The following MPP7 variants were observed in gnomAD, a reference collection of about 807,000 sequenced individuals.
MPP7 encodes MAGUK p55 subfamily member 7.
In MPP7, 60 loss-of-function variants were observed where a neutral mutation model predicts 76.5. That is an observed-to-expected ratio of 0.78 (90% CI 0.64 to 0.97). The LOEUF (loss-of-function observed/expected upper bound fraction) is 0.97. Ranked by LOEUF, MPP7 falls within the 50% of genes least tolerant of loss-of-function variation. The pLI is 0.00. For synonymous variants in MPP7, 237 were observed against 244.5 expected (o/e 0.97, Z 0.29); for missense variants, 641 against 694.0 (o/e 0.92, Z 0.86).
intron 2 of MPP7, among the ~76,000 whole-genome samples, chr10:28,313,502 T>C (rs1171841899): frequency 2.9e-5 from 4 of 137,608 alleles, no homozygotes; most frequent in Non-Finnish European, 6.5e-5. Context: ...CAAGACTCTG[T>C]CTCAGAAAGA....
At chr10:28,323,121 C>T (rs1024410836) in intron 2 of MPP7, among the ~76,000 whole-genome samples, 3 of 151,970 alleles carry the variant, frequency 2.0e-5, no homozygotes, top group Non-Finnish European at 4.4e-5. Context: ...CCCGTCTCTA[C>T]TAAAAATACA....
At chr10:28,195,512 A>G (rs924990057) in intron 3 of MPP7, among the ~76,000 whole-genome samples, 6 of 152,252 alleles carry the variant, frequency 3.9e-5, no homozygotes, top group Non-Finnish European at 5.9e-5. Flanking sequence ...GGATGAAAGG[A>G]TGAACGAAGT....
At chr10:28,190,467 T>A (rs1443532008) in intron 3 of MPP7, among the ~76,000 whole-genome samples, 5 of 152,100 alleles carry the variant, frequency 3.3e-5, no homozygotes, top group African/African-American at 1.2e-4. Flanking sequence ...ACAAAAACCA[T>A]ACAGCATGTG....
upstream of MPP7, chr10:28,303,483 C>T (rs986207913): frequency 1.3e-5 from 2 of 152,188 alleles, no homozygotes; most frequent in African/African-American, 4.8e-5. Context: ...ATAACGTAAT[C>T]TTTAACTTCC....
Position 28,150,005 on chromosome 10 carries a change from C to A in MPP7, c.211G>T (p.Gly71Cys). Reference protein sequence around the residue: ...EKQSPVPILHGAAALADDLAE... With the variant: ...EKQSPVPILHCAAALADDLAE... Reference sequence around the variant, plus strand: ...ACATCATCGGCCAAGGCCGCCGCACCATGGAGAATGGGCACCGGACTCTGC... The same window carrying A: ...ACATCATCGGCCAAGGCCGCCGCACAATGGAGAATGGGCACCGGACTCTGC... Residue 71 changes from glycine (G) to cysteine (C), a missense_variant, in exon 4 of 17, where the codon GGT becomes TGT. Transcript: ENST00000683449. 3 of 1,613,648 alleles carry A rather than the reference C, an allele frequency of 1.9e-6. No individual in the cohort carries two copies. The highest frequency in any genetic ancestry group is 2.5e-6 in the Non-Finnish European group (3 of 1,179,898).
chr10:28,204,396 C>G (rs956325746), intron 2 of MPP7, among the ~76,000 whole-genome samples: 6 of 148,602 alleles, frequency 4.0e-5, no homozygotes, highest in African/African-American at 1.5e-4. Flanking sequence ...TTAGCCAAGA[C>G]CACACCATTG....
In MPP7 at chr10:28,124,106, A is replaced by T. The variant is rs1834931366; in HGVS notation, c.540T>A (p.His180Gln). 1.2e-6 allele frequency: 2 copies of T among 1,608,358 alleles called. No homozygotes were observed. Among genetic ancestry groups the T allele is most frequent in the Non-Finnish European group, 1.7e-6 (2 of 1,175,048 alleles). Residue 180 changes from histidine to glutamine, a missense_variant, in exon 8 of 17, where the codon CAT (histidine) becomes CAA (glutamine). Coordinates refer to ENST00000683449, the MANE Select transcript of MPP7 (RefSeq NM_001318170.2). ...TGACTTCCCTAAGTTCATCACCAAC[A>T]TGAATAAGACCTGAGAAATAGGAGA... is the stretch of plus-strand genomic sequence containing the variant. ...GGAADRSGLI[H>Q]VGDELREVNG...
At chr10:28,301,746 G>A (rs1318058169) in intron 1 of MPP7, among the ~76,000 whole-genome samples, 1 of 152,162 alleles carries the variant, frequency 6.6e-6, no homozygotes, top group Non-Finnish European at 1.5e-5. Context: ...AATTGATAGA[G>A]TGCTATGAGC....
chr10:28,114,634 G>A (rs1384616052), intron 11 of MPP7, among the ~76,000 whole-genome samples: 1 of 152,096 alleles, frequency 6.6e-6, no homozygotes, highest in Non-Finnish European at 1.5e-5. Flanking sequence ...ACATGGGCAA[G>A]GTTAAATCCC....
chr10:28,193,341 T>C (rs1837473431), intron 3 of MPP7, among the ~76,000 whole-genome samples: 1 of 151,798 alleles, frequency 6.6e-6, no homozygotes, highest in African/African-American at 2.4e-5. Flanking sequence ...GCCTCCCGAG[T>C]AGCTGGGACT....
chr10:28,165,359 T>C (rs918735566), intron 3 of MPP7, among the ~76,000 whole-genome samples: 1 of 151,992 alleles, frequency 6.6e-6, no homozygotes, highest in Non-Finnish European at 1.5e-5. Flanking sequence ...CCTATCCCTA[T>C]AAAGAAATTT....
chr10:28,097,364 T>C (rs527959179), intron 11 of MPP7, among the ~76,000 whole-genome samples: 1 of 152,222 alleles, frequency 6.6e-6, no homozygotes, highest in African/African-American at 2.4e-5. Flanking sequence ...GTATAAGTGG[T>C]GGTAGTGGTT....
At chr10:28,243,894 AAT>A (rs1220171495) in intron 1 of MPP7, among the ~76,000 whole-genome samples, 1 of 152,218 alleles carries the variant, frequency 6.6e-6, no homozygotes, top group Non-Finnish European at 1.5e-5. Context: ...AAGCAAATTT[AAT>A]AGTTATTTTT....
chr10:28,263,883 C>T (rs574915972), intron 1 of MPP7, among the ~76,000 whole-genome samples: 1 of 152,284 alleles, frequency 6.6e-6, no homozygotes, highest in Non-Finnish European at 1.5e-5. Context: ...GGAAGTCTGG[C>T]AGCTTGGGAG....
At chr10:28,122,942 T>C (rs541947592) in intron 8 of MPP7, among the ~76,000 whole-genome samples, 13 of 151,996 alleles carry the variant, frequency 8.6e-5, no homozygotes, top group Admixed American at 7.9e-4. Context: ...AGAAATTGTA[T>C]ATTACCTTTT....
chr10:28,269,169 T>C (rs192693417), intron 1 of MPP7, among the ~76,000 whole-genome samples: 8 of 152,322 alleles, frequency 5.3e-5, no homozygotes, highest in Admixed American at 3.3e-4. Flanking sequence ...ATCTGATTGA[T>C]GCAGGACCTT....
At position 28,056,620 on chromosome 10, in the gene MPP7, C is replaced by T. The variant is rs1234096491; in HGVS notation, c.1411G>A (p.Val471Met). The change falls in exon 16 of 17, where the codon GTG becomes ATG. Residue 471 changes from valine (V) to methionine (M), a missense_variant. Coordinates refer to ENST00000683449, the MANE Select transcript of MPP7 (RefSeq NM_001318170.2). ...AATTCTAGTGTCCTTAAATGCTTCA[C>T]TGTCTACAAGGAAGAAAAGAAAGTT... ...VCLLDVQPHTVKHLRTLEFKP... is the reference protein window; with the variant it reads ...VCLLDVQPHTMKHLRTLEFKP... 6.3e-7 allele frequency: 1 copy of T among 1,583,664 alleles called. No homozygotes were observed. The highest frequency in any genetic ancestry group is 8.5e-7 in the Non-Finnish European group (1 of 1,172,214).
At chr10:28,250,878 A>G (rs2132849377) in intron 1 of MPP7, among the ~76,000 whole-genome samples, 1 of 152,356 alleles carries the variant, frequency 6.6e-6, no homozygotes, top group East Asian at 1.9e-4. Flanking sequence ...AATAGTAAGT[A>G]TAGGTGTCAA....
chr10:28,207,290 G>GA lies in MPP7; in HGVS notation c.38-5020dup, dbSNP rs200881500. Among the ~76,000 whole-genome samples, 561 of 150,282 alleles carry GA rather than the reference G, an allele frequency of 3.7e-3. 4 individuals carry two copies. Among genetic ancestry groups the GA allele is most frequent in the African/African-American group, 0.012 (508 of 40,932 alleles). On this transcript the variant is annotated intron_variant, in intron 2 of 16. Coordinates refer to ENST00000683449, the MANE Select transcript of MPP7 (RefSeq NM_001318170.2). ...TTTTTAATTTGCATATTTTATAACT[G>GA]AAAAAAAAAGAAAGCACCACAGCAA... is the stretch of plus-strand genomic sequence containing the variant.
Sources: allele counts gnomAD v4.1 joint callset (sites outside exome capture counted in the v4.1 genomes callset), GRCh38; gene constraint gnomAD v4.1.1; transcripts MANE v1.5; gene names NCBI Gene and HGNC (gene_info 2026-07-23, HGNC 2026-07-21).